CSMD1: variants seen among roughly 807,000 people sequenced by gnomAD.
CSMD1 encodes the protein CUB and Sushi multiple domains 1.
A neutral mutation model predicts 417.5 loss-of-function variants in CSMD1; 213 were observed. The observed-to-expected ratio is 0.51, with a 90% CI of 0.46 to 0.57. The LOEUF (loss-of-function observed/expected upper bound fraction) is 0.57, where lower values mean the gene tolerates loss of function less well. Among genes scored for constraint, CSMD1 ranks in the 20% least tolerant of loss-of-function variants. The pLI is 0.00. For synonymous variants in CSMD1, 2,862 were observed against 1,736.8 expected (o/e 1.65, Z -16.11); for missense variants, 6,923 against 4,529.7 (o/e 1.53, Z -15.17).
At chr8:4,549,257 A>C (rs936868154) in intron 2 of CSMD1, among the ~76,000 whole-genome samples, 1 of 152,216 alleles carries the variant, frequency 6.6e-6, no homozygotes, top group Non-Finnish European at 1.5e-5. Context: ...AGAATGCCAA[A>C]GAAATTATAA....
At chr8:4,277,020 A>T (rs1213787285) in intron 3 of CSMD1, among the ~76,000 whole-genome samples, 1 of 152,202 alleles carries the variant, frequency 6.6e-6, no homozygotes, top group Non-Finnish European at 1.5e-5. Context: ...ATTCAGAGAA[A>T]GGTCAAAAAA....
chr8:2,987,754 G>A (rs370316548), intron 54 of CSMD1, among the ~76,000 whole-genome samples: 5 of 152,312 alleles, frequency 3.3e-5, no homozygotes, highest in South Asian at 4.1e-4. Context: ...CCCTGCCAGC[G>A]GCGCGCATAA....
chr8:4,601,038 C>A (rs1184403323), intron 2 of CSMD1, among the ~76,000 whole-genome samples: 9 of 149,384 alleles, frequency 6.0e-5, no homozygotes, highest in Non-Finnish European at 1.3e-4. Flanking sequence ...CTCACTGCAA[C>A]CTCCGTCTCC....
chr8:4,230,898 C>G (rs1013086201), intron 3 of CSMD1, among the ~76,000 whole-genome samples: 2 of 152,028 alleles, frequency 1.3e-5, no homozygotes, highest in African/African-American at 4.8e-5. Flanking sequence ...CCACCAAATT[C>G]AATATTATAT....
chr8:4,985,171 G>A (rs930370480), intron 1 of CSMD1, among the ~76,000 whole-genome samples: 16 of 152,090 alleles, frequency 1.1e-4, no homozygotes, highest in Admixed American at 1.0e-3. Flanking sequence ...GAGAACACAT[G>A]GACACATAGA....
At chr8:3,791,556 G>T (rs577549547) in intron 5 of CSMD1, among the ~76,000 whole-genome samples, 2 of 152,320 alleles carry the variant, frequency 1.3e-5, no homozygotes, top group East Asian at 3.9e-4. Flanking sequence ...GGGCATGGTG[G>T]CTCACGCCTA....
intron 38 of CSMD1, among the ~76,000 whole-genome samples, chr8:3,159,446 T>C (rs910286593): frequency 3.3e-5 from 5 of 152,162 alleles, no homozygotes; most frequent in Non-Finnish European, 7.4e-5. Context: ...AGGATTTACT[T>C]TCAGCGTGTG....
intron 1 of CSMD1, among the ~76,000 whole-genome samples, chr8:4,922,190 G>C (rs754925671): frequency 6.6e-6 from 1 of 151,954 alleles, no homozygotes; most frequent in East Asian, 1.9e-4. Context: ...CTGTGTGTGC[G>C]AGTGTGTGCG....
chr8:4,871,663 A>T (rs1014897258), intron 1 of CSMD1, among the ~76,000 whole-genome samples: 1 of 152,178 alleles, frequency 6.6e-6, no homozygotes, highest in African/African-American at 2.4e-5. Flanking sequence ...TTTAGGAACT[A>T]TATCATAAAA....
intron 10 of CSMD1, among the ~76,000 whole-genome samples, chr8:3,533,970 A>T (rs140121344): frequency 0.014 from 2,094 of 152,238 alleles, 51 homozygotes; most frequent in African/African-American, 0.045. Context: ...CATGAAACAA[A>T]ATTTTGTTTT....
intron 3 of CSMD1, among the ~76,000 whole-genome samples, chr8:4,324,974 A>G (rs1799474589): frequency 6.6e-6 from 1 of 152,114 alleles, no homozygotes; most frequent in African/African-American, 2.4e-5. Flanking sequence ...TCATTATATC[A>G]CTGTTGACAC....
intron 2 of CSMD1, among the ~76,000 whole-genome samples, chr8:4,589,741 C>CA (rs1459362120): frequency 6.6e-6 from 1 of 151,816 alleles, no homozygotes; most frequent in Admixed American, 6.6e-5. Context: ...TTATCACGGC[C>CA]AAAAAAATGA....
At chr8:3,276,652 A>G (rs1344105978) in intron 26 of CSMD1, among the ~76,000 whole-genome samples, 2 of 152,192 alleles carry the variant, frequency 1.3e-5, no homozygotes, top group South Asian at 2.1e-4. Flanking sequence ...GCCAAACCGT[A>G]TCATTATTAA....
At chr8:4,607,758 G>T (rs529479478) in intron 2 of CSMD1, among the ~76,000 whole-genome samples, 1 of 152,190 alleles carries the variant, frequency 6.6e-6, no homozygotes, top group Non-Finnish European at 1.5e-5. Context: ...AACCGCTTGA[G>T]AGTGACTCTC....
Position 3,995,308 on chromosome 8 carries a change from C to T in CSMD1, c.818+2595G>A, listed in dbSNP as rs552441926. Among the ~76,000 whole-genome samples the T allele has an allele frequency of 1.9e-3, 296 of 152,302 alleles. 1 individual carries two copies. Among genetic ancestry groups the T allele is most frequent in the Non-Finnish European group, 2.9e-3 (199 of 68,024 alleles). On this transcript the variant is annotated intron_variant, in intron 5 of 69. Coordinates refer to ENST00000635120, the MANE Select transcript of CSMD1 (RefSeq NM_033225.6). ...TTGAAAGCTGAGAGTTCCACTTAAA[C>T]GTAGTCCTTGTGGCTGTGTTAAGAT...
chr8:3,381,972 A>G (rs1381972373), intron 18 of CSMD1, among the ~76,000 whole-genome samples: 1 of 152,184 alleles, frequency 6.6e-6, no homozygotes, highest in Non-Finnish European at 1.5e-5. Flanking sequence ...AAAAGAATGT[A>G]TCAGGCTGGG....
At chr8:4,232,692 A>G (rs566696639) in intron 3 of CSMD1, among the ~76,000 whole-genome samples, 2 of 152,182 alleles carry the variant, frequency 1.3e-5, no homozygotes, top group African/African-American at 2.4e-5. Flanking sequence ...TGAAGGAGAC[A>G]TTTTATAAAA....
At chr8:4,121,345 C>G (rs1458896213) in intron 3 of CSMD1, among the ~76,000 whole-genome samples, 1 of 152,072 alleles carries the variant, frequency 6.6e-6, no homozygotes, top group African/African-American at 2.4e-5. Flanking sequence ...AAACTCCTGA[C>G]CTCAGATGAT....
In CSMD1 at chr8:4,120,659, T is replaced by A. The variant is rs149243034; in HGVS notation, c.416-88560A>T. ...TGGCCTTCTCTAGTCAGTAACTTCA[T>A]CACGTGACTTTTAAAGAAGTAAGTT... On this transcript the variant is annotated intron_variant, in intron 3 of 69. Coordinates refer to ENST00000635120, the MANE Select transcript of CSMD1 (RefSeq NM_033225.6). Among the ~76,000 whole-genome samples, 104 of 152,328 alleles carry A rather than the reference T, an allele frequency of 6.8e-4. 1 individual carries two copies. In the East Asian group the frequency reaches 0.019, roughly 28 times the overall value.
Sources: allele counts gnomAD v4.1 joint callset (sites outside exome capture counted in the v4.1 genomes callset), GRCh38; gene constraint gnomAD v4.1.1; transcripts MANE v1.5; gene names NCBI Gene and HGNC (gene_info 2026-07-23, HGNC 2026-07-21).